The following ZSCAN10 variants were observed in gnomAD, a reference collection of about 807,000 sequenced individuals.
The protein encoded by ZSCAN10 is zinc finger and SCAN domain-containing protein 10.
ZSCAN10 carries 52 observed loss-of-function variants against 63.7 expected under a neutral mutation model. That is an observed-to-expected ratio of 0.82 (90% CI 0.65 to 1.03). ZSCAN10 has a LOEUF of 1.03. Among genes scored for constraint, ZSCAN10 ranks in the 50% least tolerant of loss-of-function variants. The pLI, the probability that ZSCAN10 is intolerant of heterozygous loss-of-function variation, is 0.00. For synonymous variants in ZSCAN10, 544 were observed against 479.6 expected, an observed-to-expected ratio of 1.13 and a Z score of -1.76; for missense variants, 1,223 against 1,103.8, an observed-to-expected ratio of 1.11 and a Z score of -1.53.
Position 3,090,659 on chromosome 16 carries a change from A to G in ZSCAN10, c.788-13T>C. ...CTGCTTCCGAATCCTGGGAAACAAG[A>G]CAAAACAGGGACGGTCAGGCCTATT... On this transcript the variant is annotated splice_polypyrimidine_tract_variant and intron_variant, in intron 5 of 5. Coordinates refer to ENST00000576985, the MANE Select transcript of ZSCAN10 (RefSeq NM_032805.3). 2 of 1,522,316 alleles carry G rather than the reference A, an allele frequency of 1.3e-6. No homozygotes were observed. The highest frequency in any genetic ancestry group is 1.8e-6 in the Non-Finnish European group (2 of 1,137,354). The allele number at this position is 1,522,316 out of a possible 1,614,324, so 94.3% of individuals were successfully genotyped here. A position where few individuals can be genotyped will look rare whatever the true frequency, so the allele number is the denominator to read the frequency against.
At chr16:3,098,034 C>G (rs1401303425) in intron 1 of ZSCAN10, among the ~76,000 whole-genome samples, 1 of 127,162 alleles carries the variant, frequency 7.9e-6, no homozygotes, top group Non-Finnish European at 1.6e-5. Context: ...AAGGCGAAGA[C>G]CCTGTCTCAA....
At chr16:3,091,904 C>T (rs1380167787) in intron 3 of ZSCAN10, 76 bp from the exon 4 acceptor site, 17 of 1,595,664 alleles carry the variant, frequency 1.1e-5, no homozygotes, top group South Asian at 2.2e-5. Flanking sequence ...CAAGGACACA[C>T]ACCGCATCAT....
Position 3,092,333 on chromosome 16 carries a change from C to G in ZSCAN10, c.397-17G>C. The G allele has an allele frequency of 6.3e-7, 1 of 1,580,828 alleles. No homozygotes were observed. The highest frequency in any genetic ancestry group is 1.7e-5 in the Admixed American group (1 of 57,612). ...ACTAAAATCCTGTTCAAAACACATT[C>G]AAGTTAAGTGACTCCCGGGGTGGCA... is the stretch of plus-strand genomic sequence containing the variant. On this transcript the variant is annotated splice_polypyrimidine_tract_variant and intron_variant, in intron 2 of 5. Transcript: ENST00000576985.
chr16:3,091,757 A>G lies in ZSCAN10; in HGVS notation c.729+7T>C. 6.4e-7 allele frequency: 1 copy of G among 1,573,776 alleles called. No homozygotes were observed. The highest frequency in any genetic ancestry group is 8.6e-7 in the Non-Finnish European group (1 of 1,159,442). On this transcript the variant is annotated splice_region_variant and intron_variant, in intron 4 of 5. Transcript: ENST00000576985. ...TTGAGGACACCCTGGGGTGCGGCCC[A>G]GCTCACCAGCACAGCCGCCAGCTCC...
Position 3,092,172 on chromosome 16 carries a change from G to C in ZSCAN10, c.541C>G (p.Pro181Ala), listed in dbSNP as rs146059332. The C allele has an allele frequency of 5.0e-6, 8 of 1,613,062 alleles. No individual in the cohort carries two copies. Among genetic ancestry groups the C allele is most frequent in the Non-Finnish European group, 6.8e-6 (8 of 1,179,996 alleles). Reference sequence around the variant, plus strand: ...GCAGCCCTTGGCTGGGGTCGGGGAGGCTCATCCGATGGGCCCAGCACTGAA... The same window carrying C: ...GCAGCCCTTGGCTGGGGTCGGGGAGCCTCATCCGATGGGCCCAGCACTGAA... ...EPSVLGPSDE[P>A]PRPQPRAAQP... The change falls in exon 3 of 6, where the codon CCT becomes GCT. Residue 181 changes from proline to alanine, a missense_variant. Coordinates refer to ENST00000576985, the MANE Select transcript of ZSCAN10 (RefSeq NM_032805.3).
intron 1 of ZSCAN10, among the ~76,000 whole-genome samples, chr16:3,095,840 A>AG (rs1437097846): frequency 6.6e-6 from 1 of 150,978 alleles, no homozygotes; most frequent in Non-Finnish European, 1.5e-5. Context: ...AAAAAAAAAA[A>AG]AAAAATTTAG....
chr16:3,093,864 T>C lies in ZSCAN10; in HGVS notation c.-67-860A>G, dbSNP rs374525213. ...CACGCCCAGCTAATTTTTGCATTTT[T>C]AGTAGACACAAGAGTTTCACCATGT... On this transcript the variant is annotated intron_variant, in intron 1 of 5. Transcript: ENST00000576985. 3.7e-4 allele frequency among the ~76,000 whole-genome samples: 56 copies of C among 152,052 alleles called. No individual in the cohort carries two copies. In the East Asian group the frequency reaches 0.01, roughly 27 times the overall value.
chr16:3,094,805 C>A (rs1456393199), intron 1 of ZSCAN10, among the ~76,000 whole-genome samples: 1 of 151,874 alleles, frequency 6.6e-6, no homozygotes, highest in Non-Finnish European at 1.5e-5. Flanking sequence ...AGAGTCCTCA[C>A]AACTAAGTGG....
intron 1 of ZSCAN10, among the ~76,000 whole-genome samples, chr16:3,093,865 A>G (rs1227920107): frequency 1.3e-5 from 2 of 151,814 alleles, no homozygotes; most frequent in African/African-American, 4.8e-5. Context: ...TTGCATTTTT[A>G]GTAGACACAA....
rs371304715 is a variant in ZSCAN10 at position 3,092,095 on chromosome 16, C to T, written c.618G>A (p.Pro206=). 1.3e-5 allele frequency: 20 copies of T among 1,597,436 alleles called. No individual in the cohort carries two copies. Among genetic ancestry groups the T allele is most frequent in the East Asian group, 6.7e-5 (3 of 44,704 alleles). Residue 206 remains proline (P), a synonymous_variant, in exon 3 of 6, where the codon CCG becomes CCA. Coordinates refer to ENST00000576985, the MANE Select transcript of ZSCAN10 (RefSeq NM_032805.3). ...ATGTCTTCTGGGGCCCCGGGCTCAG[C>T]GGCTGCTTTGAACTTGGGGGAAGCC... The part of the protein sequence containing the change: ...QWRLPPSSKQ[P]LSPGPQKTFQ...
rs187631120 is a variant in ZSCAN10, at chr16:3,090,697, A to G, written c.788-51T>C. On this transcript the variant is annotated intron_variant, in intron 5 of 5. Coordinates refer to ENST00000576985, the MANE Select transcript of ZSCAN10 (RefSeq NM_032805.3). ...GGTCAGGCCTATTCCCAGGGCCACT[A>G]TCAATCACCAGAACCTGATTGGCCT... is the stretch of plus-strand genomic sequence containing the variant. The G allele has an allele frequency of 2.4e-4, 361 of 1,486,066 alleles. 3 individuals are homozygous for G. In the East Asian group the frequency reaches 7.6e-3, roughly 31 times the overall value. 92.1% of individuals were successfully genotyped at this position (1,486,066 alleles called of 1,614,324 possible). A position where few individuals can be genotyped will look rare whatever the true frequency, so the allele number is the denominator to read the frequency against.
chr16:3,097,758 C>T (rs1197810982), intron 1 of ZSCAN10, among the ~76,000 whole-genome samples: 1 of 152,110 alleles, frequency 6.6e-6, no homozygotes, highest in African/African-American at 2.4e-5. Context: ...AGTGTTCATC[C>T]AGCACTTGAA....
Position 3,091,607 on chromosome 16 carries a change from G to A in ZSCAN10, c.730-10C>T, listed in dbSNP as rs1488838619. The A allele has an allele frequency of 6.2e-7, 1 of 1,614,226 alleles. No individual in the cohort carries two copies. ...CAAAGGTCAGGCACTCCTGTATCAA[G>A]AGCAGAAACCCTTGGTGAGTGAGGA... On this transcript the variant is annotated splice_polypyrimidine_tract_variant and intron_variant, in intron 4 of 5. Coordinates refer to ENST00000576985, the MANE Select transcript of ZSCAN10 (RefSeq NM_032805.3).
Position 3,094,273 on chromosome 16 carries a change from C to T in ZSCAN10, c.-67-1269G>A, listed in dbSNP as rs1470679398. Among the ~76,000 whole-genome samples, 3 of 152,232 alleles carry T rather than the reference C, an allele frequency of 2.0e-5. No individual in the cohort carries two copies. In the South Asian group the frequency reaches 6.2e-4, roughly 32 times the overall value. On this transcript the variant is annotated intron_variant, in intron 1 of 5. Coordinates refer to ENST00000576985, the MANE Select transcript of ZSCAN10 (RefSeq NM_032805.3). ...AAGTGATCCACCTGCCTCAGCCTCT[C>T]AAAGTGCTGGAATTACAGGCGTGAG...
chr16:3,090,926 T>A (rs1957065794), intron 5 of ZSCAN10, among the ~76,000 whole-genome samples: 1 of 149,590 alleles, frequency 6.7e-6, no homozygotes, highest in Non-Finnish European at 1.5e-5. Context: ...AAAAATTAGC[T>A]GGGTGTAGTG....
intron 2 of ZSCAN10, 67 bp downstream of exon 2, chr16:3,092,475 T>C: frequency 1.4e-6 from 2 of 1,448,618 alleles, no homozygotes; most frequent in Non-Finnish European, 1.8e-6. Context: ...TTTCCAGAGA[T>C]TCCTCACTGG....
Position 3,089,129 on chromosome 16 carries a change from G to A in ZSCAN10, c.2305C>T (p.Arg769Cys). 1 of 1,520,768 alleles carries A rather than the reference G, an allele frequency of 6.6e-7. No homozygotes were observed. Among genetic ancestry groups the A allele is most frequent in the Non-Finnish European group, 8.7e-7 (1 of 1,145,188 alleles). 94.2% of individuals were successfully genotyped at this position (1,520,768 alleles called of 1,614,324 possible). A position where few individuals can be genotyped will look rare whatever the true frequency, so the allele number is the denominator to read the frequency against. ...RSFSRNSHLL[R>C]HLRTHARETL... ...TCGCGGGCGTGGGTGCGCAGGTGGCGCAGCAGGTGGGAGTTGCGGCTGAAG... is the reference window on the plus strand; with the variant it reads ...TCGCGGGCGTGGGTGCGCAGGTGGCACAGCAGGTGGGAGTTGCGGCTGAAG... The change falls in exon 6 of 6, where the codon CGC (arginine) becomes TGC (cysteine). Residue 769 changes from arginine to cysteine, a missense_variant. By Grantham distance (180) the Arg-to-Cys change is radical. Transcript: ENST00000576985.
chr16:3,091,479 T>A, intron 5 of ZSCAN10, 61 bp downstream of exon 5: 1 of 1,579,120 alleles, frequency 6.3e-7, no homozygotes, highest in Non-Finnish European at 8.7e-7. Flanking sequence ...TCCATCTCTT[T>A]AAAAAAGACA....
rs772119487 is a variant in ZSCAN10, at chr16:3,089,935, C to G, written c.1499G>C (p.Arg500Thr). 40 of 1,539,276 alleles carry G rather than the reference C, an allele frequency of 2.6e-5. No homozygotes were observed. Among genetic ancestry groups the G allele is most frequent in the Middle Eastern group, 1.8e-4 (1 of 5,538 alleles). The change falls in exon 6 of 6, where the codon AGG (arginine) becomes ACG (threonine). Residue 500 changes from arginine (R) to threonine (T), a missense_variant. Physicochemically the swap from Arg to Thr is moderately conservative, Grantham distance 71. Transcript: ENST00000576985. ...TTCGGAGGACCGGCGGTCCTTGTCC[C>G]TGGCGTGGATCCGCAGGTGGCGCTT... Reference protein sequence around the residue: ...SLKRHLRIHARDKDRRSSEGS... With the variant: ...SLKRHLRIHATDKDRRSSEGS...
Sources: gnomAD v4.1 joint callset for allele counts (sites outside exome capture counted in the v4.1 genomes callset) on GRCh38, gnomAD v4.1.1 for gene constraint, MANE v1.5 for transcripts, NCBI Gene and HGNC (gene_info 2026-07-23, HGNC 2026-07-21) for gene names.